Variants in CC2D2B observed in about 807,000 individuals in gnomAD.
CC2D2B encodes protein CC2D2B.
CC2D2B carries 128 observed loss-of-function variants against 161.2 expected under a neutral mutation model. The ratio of observed to expected loss-of-function variants is 0.79; its 90% confidence interval spans 0.69 to 0.92. CC2D2B has a LOEUF of 0.92. Ranked by LOEUF, CC2D2B falls within the 40% of genes least tolerant of loss-of-function variation. The probability of loss-of-function intolerance (pLI) is 0.00; values close to 1 mark genes in which losing one functional copy is unlikely to be tolerated. For missense variants in CC2D2B, 1,173 were observed against 1,375.1 expected, an observed-to-expected ratio of 0.85 and a Z score of 2.32; for synonymous variants, 391 against 449.8, an observed-to-expected ratio of 0.87 and a Z score of 1.65.
chr10:96,029,340 T>C lies in CC2D2B; in HGVS notation c.4125+1951T>C, dbSNP rs542697058. Among the ~76,000 whole-genome samples the C allele has an allele frequency of 4.3e-4, 56 of 130,102 alleles. No individual in the cohort carries two copies. The Middle Eastern group carries it at 0.023, about 52-fold the overall frequency. The allele number at this position is 130,102 out of a possible 152,430, so 85.4% of individuals were successfully genotyped here. On this transcript the variant is annotated intron_variant, in intron 34 of 34. Transcript: ENST00000646931. ...TATATGTACTATGTGCCCACAAAAA[T>C]TAAAAATTTTTAAAAATGCATTTAC... is the stretch of plus-strand genomic sequence containing the variant.
chr10:95,969,028 T>C (rs1042277597), intron 15 of CC2D2B, 127 bp downstream of exon 15: 16 of 401,250 alleles, frequency 4.0e-5, no homozygotes, highest in South Asian at 2.8e-4. Flanking sequence ...TCTTTATGTG[T>C]AGATGATAAG....
At chr10:95,921,771 G>T (rs2098527676) in intron 2 of CC2D2B, among the ~76,000 whole-genome samples, 1 of 150,854 alleles carries the variant, frequency 6.6e-6, no homozygotes, top group Admixed American at 6.6e-5. Context: ...CATGGGGCGG[G>T]GCACATCACA....
chr10:95,915,356 A>G (rs1246468938), intron 2 of CC2D2B, among the ~76,000 whole-genome samples: 1 of 152,194 alleles, frequency 6.6e-6, no homozygotes, highest in Non-Finnish European at 1.5e-5. Flanking sequence ...ATCTCCAAAC[A>G]AGGATAACTT....
At chr10:96,025,410 G>A (rs2141959951) in intron 33 of CC2D2B, among the ~76,000 whole-genome samples, 1 of 147,500 alleles carries the variant, frequency 6.8e-6, no homozygotes, top group East Asian at 2.0e-4. Flanking sequence ...CCTGGTTCTT[G>A]GTACATCCAT....
chr10:95,979,470 T>C (rs2077435317), intron 17 of CC2D2B, among the ~76,000 whole-genome samples: 3 of 152,166 alleles, frequency 2.0e-5, no homozygotes, highest in Admixed American at 2.0e-4. Context: ...AGTATTTTTT[T>C]AAAGGTCTCT....
At chr10:95,947,440 T>TG (rs1487739763) in intron 9 of CC2D2B, among the ~76,000 whole-genome samples, 1 of 138,996 alleles carries the variant, frequency 7.2e-6, no homozygotes, top group East Asian at 2.0e-4. Flanking sequence ...TTAATAAACT[T>TG]GCTTTTACTT....
chr10:96,026,554 G>A (rs2079785972), intron 33 of CC2D2B, among the ~76,000 whole-genome samples: 1 of 152,174 alleles, frequency 6.6e-6, no homozygotes, highest in African/African-American at 2.4e-5. Context: ...TCCAAGTCAA[G>A]GGAGGGTCTT....
chr10:96,018,971 A>T (rs1341763834), intron 30 of CC2D2B: 20 of 328,232 alleles, frequency 6.1e-5, no homozygotes, highest in African/African-American at 3.5e-4. Context: ...AGCAAATTAA[A>T]AAAAAAATTT....
chr10:96,019,185 T>G lies in CC2D2B; in HGVS notation c.3631-18T>G. The G allele has an allele frequency of 1.9e-6, 3 of 1,554,298 alleles. No homozygotes were observed. The highest frequency in any genetic ancestry group is 2.6e-6 in the Non-Finnish European group (3 of 1,154,504). ...TTATTTAAATCCACCAAAAATTACT[T>G]TCTTTTTTCTCATACAGGGGCATGT... is the stretch of plus-strand genomic sequence containing the variant. On this transcript the variant is annotated intron_variant, in intron 30 of 34. Coordinates refer to ENST00000646931, the MANE Select transcript of CC2D2B (RefSeq NM_001349008.3).
chr10:95,918,297 G>T (rs2098520378), intron 2 of CC2D2B, among the ~76,000 whole-genome samples: 1 of 152,152 alleles, frequency 6.6e-6, no homozygotes, highest in Non-Finnish European at 1.5e-5. Context: ...TTGCAGAACA[G>T]ATTTGGTGTT....
chr10:96,032,280 A>C lies in CC2D2B; in HGVS notation c.*272A>C. The C allele has an allele frequency of 5.9e-6, 2 of 339,418 alleles. 1 individual carries two copies. Among genetic ancestry groups the C allele is most frequent in the South Asian group, 1.5e-4 (2 of 13,040 alleles). 21.0% of individuals were successfully genotyped at this position (339,418 alleles called of 1,614,324 possible). On this transcript the variant is annotated 3_prime_UTR_variant, in exon 35 of 35. Coordinates refer to ENST00000646931, the MANE Select transcript of CC2D2B (RefSeq NM_001349008.3). ...TGGGTCACTGTCTGCAGTAGGTCTT[A>C]TTCTGGGAAAGAAGCAATTTTGGCC...
At position 96,029,278 on chromosome 10, in the gene CC2D2B, ATATATATGTATATATATATATATAT is replaced by A. The variant is rs2079945563; in HGVS notation, c.4125+1890_4125+1914del. On this transcript the variant is annotated intron_variant, in intron 34 of 34. Coordinates refer to ENST00000646931, the MANE Select transcript of CC2D2B (RefSeq NM_001349008.3). ...TATATATATATATATATATATATAT[ATATATATGTATATATATATATATAT>A]ATGTATATCTATATATGTACTATGT... 8.3e-5 allele frequency among the ~76,000 whole-genome samples: 5 copies of A among 60,068 alleles called. No individual in the cohort carries two copies. In the South Asian group the frequency reaches 2.6e-3, roughly 32 times the overall value. The allele number at this position is 60,068 out of a possible 152,430, so 39.4% of individuals were successfully genotyped here.
intron 15 of CC2D2B, among the ~76,000 whole-genome samples, chr10:95,971,033 T>C (rs1348495724): frequency 6.6e-6 from 1 of 152,096 alleles, no homozygotes; most frequent in African/African-American, 2.4e-5. Flanking sequence ...TTAGAGCTCA[T>C]ATCACTGTTT....
At chr10:96,010,845 C>T (rs1391658325) in intron 26 of CC2D2B, among the ~76,000 whole-genome samples, 1 of 152,180 alleles carries the variant, frequency 6.6e-6, no homozygotes, top group African/African-American at 2.4e-5. Flanking sequence ...GCTTTTCCTT[C>T]ATGGGTTTCT....
rs1298618803 is a variant in CC2D2B, at chr10:95,991,392, G to T, written c.2402G>T (p.Arg801Ile). The change falls in exon 21 of 35, where the codon AGA (arginine) becomes ATA (isoleucine). Residue 801 changes from arginine to isoleucine, a missense_variant. Physicochemically the swap from Arg to Ile is moderately conservative, Grantham distance 97. Around this residue, in one of 3 missense-constraint regions of CC2D2B, gnomAD observed 277 missense variants for 420.6 expected, o/e 0.66. Transcript: ENST00000646931. ...LKKVRRLIMK[R>I]IVKISKCNLS... ...TAGGTGAGAAGGTTGATAATGAAGA[G>T]AATTGTTAAAATTAGCAAATGTAAC... 4 of 1,124,690 alleles carry T rather than the reference G, an allele frequency of 3.6e-6. No individual in the cohort carries two copies. The highest frequency in any genetic ancestry group is 4.5e-6 in the Non-Finnish European group (4 of 889,846). The allele number at this position is 1,124,690 out of a possible 1,614,324, so 69.7% of individuals were successfully genotyped here. A position where few individuals can be genotyped will look rare whatever the true frequency, so the allele number is the denominator to read the frequency against.
chr10:95,962,749 T>A (rs1230014619), intron 12 of CC2D2B, among the ~76,000 whole-genome samples: 1 of 151,104 alleles, frequency 6.6e-6, no homozygotes, highest in East Asian at 1.9e-4. Context: ...TGATTTTTTT[T>A]TCTTGCTGCA....
intron 19 of CC2D2B, among the ~76,000 whole-genome samples, chr10:95,987,190 A>G (rs564629852): frequency 1.3e-5 from 2 of 151,938 alleles, no homozygotes; most frequent in East Asian, 3.9e-4. Context: ...CAGGTGTGGC[A>G]GCACACACCT....
At chr10:95,936,766 A>C (rs1357015008) in intron 6 of CC2D2B, among the ~76,000 whole-genome samples, 1 of 152,168 alleles carries the variant, frequency 6.6e-6, no homozygotes. Flanking sequence ...AAAAAGACCC[A>C]CAGAGTCATA....
intron 5 of CC2D2B, among the ~76,000 whole-genome samples, chr10:95,926,334 C>T (rs1356771994): frequency 6.6e-6 from 1 of 152,070 alleles, no homozygotes; most frequent in Non-Finnish European, 1.5e-5. Flanking sequence ...CAGAAGATTT[C>T]AGCAAGTGAT....
Sources: gnomAD v4.1 joint callset for allele counts (sites outside exome capture counted in the v4.1 genomes callset) on GRCh38, gnomAD v4.1.1 for gene constraint, gnomAD v4.1.1 regional missense constraint, MANE v1.5 for transcripts, NCBI Gene and HGNC (gene_info 2026-07-23, HGNC 2026-07-21) for gene names.